The following BEND7 variants were observed in gnomAD, a reference collection of about 807,000 sequenced individuals.
BEND7 encodes the protein BEN domain-containing protein 7.
BEND7 carries 28 observed loss-of-function variants against 50.9 expected under a neutral mutation model. The observed-to-expected ratio is 0.55, with a 90% CI of 0.41 to 0.75. BEND7 has a LOEUF of 0.75. BEND7 is among the 30% of genes least tolerant of loss of function. BEND7 has a pLI of 0.00. For synonymous variants in BEND7, 170 were observed against 183.9 expected, an observed-to-expected ratio of 0.92 and a Z score of 0.61; for missense variants, 477 against 491.3, an observed-to-expected ratio of 0.97 and a Z score of 0.28.
intron 4 of BEND7, among the ~76,000 whole-genome samples, 200 bp downstream of exon 4, chr10:13,496,566 A>T (rs1271502252): frequency 6.6e-6 from 1 of 152,254 alleles, no homozygotes; most frequent in African/African-American, 2.4e-5. Context: ...GAGCTGTATC[A>T]GTAGCAAGAC....
chr10:13,510,899 C>T (rs185030588), intron 2 of BEND7, among the ~76,000 whole-genome samples: 14 of 152,096 alleles, frequency 9.2e-5, no homozygotes, highest in Admixed American at 3.3e-4. Context: ...AGTCAAGGGC[C>T]GGGCACAGTG....
chr10:13,448,593 G>A (rs937208327), intron 7 of BEND7, among the ~76,000 whole-genome samples: 1 of 152,138 alleles, frequency 6.6e-6, no homozygotes, highest in Non-Finnish European at 1.5e-5. Context: ...TCAGATGGAC[G>A]CTCACTGGCA....
chr10:13,501,923 A>T (rs966080251), intron 2 of BEND7, among the ~76,000 whole-genome samples: 1 of 152,218 alleles, frequency 6.6e-6, no homozygotes. Context: ...CTTGAAATTT[A>T]AACTGTAAGA....
chr10:13,498,961 G>A (rs1416199038), intron 3 of BEND7, among the ~76,000 whole-genome samples: 1 of 152,130 alleles, frequency 6.6e-6, no homozygotes, highest in African/African-American at 2.4e-5. Context: ...GAAGGATATT[G>A]TGAAATGAAA....
chr10:13,462,494 G>C (rs1466712748), intron 6 of BEND7, among the ~76,000 whole-genome samples: 1 of 152,180 alleles, frequency 6.6e-6, no homozygotes, highest in Non-Finnish European at 1.5e-5. Flanking sequence ...TATAATTCAA[G>C]GTGAGATTTG....
intron 2 of BEND7, among the ~76,000 whole-genome samples, chr10:13,507,825 C>T (rs1890878): frequency 0.2 from 29,827 of 151,978 alleles, 3,006 homozygotes; most frequent in Middle Eastern, 0.23. Context: ...ACACTGTGAA[C>T]GTATTTTAAA....
At chr10:13,452,257 C>T (rs530434249) in intron 7 of BEND7, among the ~76,000 whole-genome samples, 2 of 152,208 alleles carry the variant, frequency 1.3e-5, no homozygotes, top group Admixed American at 6.5e-5. Context: ...AAGAGAGAAC[C>T]GGTTTTCATA....
rs116123627 is a variant in BEND7 at position 13,449,076 on chromosome 10, T to C, written c.1184-1760A>G. On this transcript the variant is annotated intron_variant, in intron 7 of 8. Transcript: ENST00000466271. ...GATTAAGATTCTGGAAACAGGTTTA[T>C]AGAAAAAATATGGCACATACTGAAA... 8.9e-3 allele frequency among the ~76,000 whole-genome samples: 1,361 copies of C among 152,232 alleles called. 24 individuals carry two copies. Among genetic ancestry groups the C allele is most frequent in the African/African-American group, 0.03 (1,250 of 41,530 alleles).
chr10:13,469,116 G>A (rs1194269484), intron 6 of BEND7, among the ~76,000 whole-genome samples: 1 of 152,212 alleles, frequency 6.6e-6, no homozygotes, highest in Non-Finnish European at 1.5e-5. Context: ...TGAGAGGAAG[G>A]TGCTTAAAAT....
chr10:13,440,416 G>C (rs923973639), downstream of BEND7, among the ~76,000 whole-genome samples: 2 of 152,200 alleles, frequency 1.3e-5, no homozygotes, highest in African/African-American at 4.8e-5. Flanking sequence ...GCAACAGCTC[G>C]CCCTGTGGCT....
At chr10:13,467,582 A>G (rs978727103) in intron 6 of BEND7, among the ~76,000 whole-genome samples, 1 of 152,150 alleles carries the variant, frequency 6.6e-6, no homozygotes, top group Non-Finnish European at 1.5e-5. Flanking sequence ...AATGTTTTTG[A>G]TCGACAAGAT....
intron 2 of BEND7, among the ~76,000 whole-genome samples, chr10:13,507,099 G>C (rs2132376633): frequency 6.6e-6 from 1 of 152,284 alleles, no homozygotes; most frequent in East Asian, 1.9e-4. Flanking sequence ...GAGGGTCATG[G>C]ATAATTTAGG....
chr10:13,500,548 G>T (rs1321329900), intron 2 of BEND7: 1 of 990,348 alleles, frequency 1.0e-6, no homozygotes, highest in Admixed American at 5.8e-5. Flanking sequence ...GGACAAGGAA[G>T]AAAGCCTGGA....
chr10:13,526,241 A>C lies in BEND7; in HGVS notation c.62-20T>G, dbSNP rs773065596. 1.4e-5 allele frequency: 18 copies of C among 1,252,480 alleles called. No individual in the cohort carries two copies. The highest frequency in any genetic ancestry group is 3.8e-5 in the South Asian group (3 of 78,722). 77.6% of individuals were successfully genotyped at this position (1,252,480 alleles called of 1,614,324 possible). ...GATAATCTGGCATGAGAAAACAACC[A>C]AAAATTAGAATCCTAAGGACCTCAA... On this transcript the variant is annotated intron_variant, in intron 1 of 8. Coordinates refer to ENST00000466271, the MANE Select transcript of BEND7 (RefSeq NM_001369863.1).
downstream of BEND7, chr10:13,441,028 G>T: frequency 1.2e-6 from 1 of 854,210 alleles, no homozygotes; most frequent in Non-Finnish European, 1.4e-6. Context: ...TTAATGAACA[G>T]CACTGACTTC....
At chr10:13,460,958 G>T (rs753816335) in intron 6 of BEND7, among the ~76,000 whole-genome samples, 15 of 152,198 alleles carry the variant, frequency 9.9e-5, no homozygotes, top group Non-Finnish European at 1.5e-4. Context: ...ATCCTGCAGT[G>T]AAATGGAGGA....
intron 5 of BEND7, among the ~76,000 whole-genome samples, chr10:13,483,937 C>T (rs1588878102): frequency 3.9e-5 from 6 of 152,244 alleles, no homozygotes; most frequent in Admixed American, 3.9e-4. Flanking sequence ...CTGGTATCTG[C>T]CACAACTCCT....
At chr10:13,470,319 T>C (rs1204465416) in intron 6 of BEND7, among the ~76,000 whole-genome samples, 1 of 152,236 alleles carries the variant, frequency 6.6e-6, no homozygotes, top group Non-Finnish European at 1.5e-5. Flanking sequence ...ATCGACAGTG[T>C]CCACAACGGC....
chr10:13,492,252 C>T (rs922765209), intron 5 of BEND7, among the ~76,000 whole-genome samples: 6 of 151,902 alleles, frequency 3.9e-5, no homozygotes, highest in African/African-American at 1.2e-4. Flanking sequence ...TCTGTATGGC[C>T]CTGTTCATTT....
Sources: allele counts gnomAD v4.1 joint callset (sites outside exome capture counted in the v4.1 genomes callset), GRCh38; gene constraint gnomAD v4.1.1; transcripts MANE v1.5; gene names NCBI Gene and HGNC (gene_info 2026-07-23, HGNC 2026-07-21).